The following NPHP3 variants were observed in gnomAD, a reference collection of about 807,000 sequenced individuals.
NPHP3 encodes the protein nephrocystin-3.
NPHP3 carries 123 observed loss-of-function variants against 171.9 expected under a neutral mutation model. That is an observed-to-expected ratio of 0.72 (90% CI 0.62 to 0.83). The LOEUF (loss-of-function observed/expected upper bound fraction) is 0.83. Among genes scored for constraint, NPHP3 ranks in the 40% least tolerant of loss-of-function variants. The pLI, the probability that NPHP3 is intolerant of heterozygous loss-of-function variation, is 0.00. For missense variants in NPHP3, 1,506 were observed against 1,591.9 expected, an observed-to-expected ratio of 0.95 and a Z score of 0.92; for synonymous variants, 558 against 579.2, an observed-to-expected ratio of 0.96 and a Z score of 0.52.
chr3:132,709,733 G>C (rs1416939083), intron 6 of NPHP3, among the ~76,000 whole-genome samples: 1 of 152,116 alleles, frequency 6.6e-6, no homozygotes, highest in African/African-American at 2.4e-5. Flanking sequence ...GTATGATTCA[G>C]AATCTGCAAA....
chr3:132,703,253 C>T (rs954578779), intron 9 of NPHP3, among the ~76,000 whole-genome samples: 4 of 152,116 alleles, frequency 2.6e-5, no homozygotes, highest in Non-Finnish European at 5.9e-5. Context: ...ATGATGGAAC[C>T]AGGACATTAA....
intron 9 of NPHP3, 78 bp from the exon 10 acceptor site, chr3:132,701,611 T>C (rs1939608085): frequency 3.2e-6 from 3 of 925,520 alleles, no homozygotes; most frequent in Admixed American, 1.9e-5. Flanking sequence ...CTGATTATTC[T>C]TTGAAAATAC....
chr3:132,710,417 A>G (rs1213884094), intron 6 of NPHP3, among the ~76,000 whole-genome samples: 2 of 151,610 alleles, frequency 1.3e-5, no homozygotes, highest in African/African-American at 2.4e-5. Flanking sequence ...CTGAATTACT[A>G]TTTAGGCACG....
chr3:132,684,623 A>G lies in NPHP3; in HGVS notation c.3501T>C (p.Arg1167=), dbSNP rs1423029063. Residue 1167 remains arginine (R), a synonymous_variant, in exon 24 of 27, where the codon CGT becomes CGC. Transcript: ENST00000337331. ...LYERALDIRR[R]ALAPDHPSLA... ...AAGAAGGGTGATCAGGAGCTAATGC[A>G]CGTCTCCGAATATCTAAAGCTCTTT... The G allele has an allele frequency of 6.2e-7, 1 of 1,614,038 alleles. No homozygotes were observed. The highest frequency in any genetic ancestry group is 1.1e-5 in the South Asian group (1 of 91,088).
chr3:132,684,435 T>C (rs763724691), intron 24 of NPHP3, 119 bp downstream of exon 24: 305 of 953,422 alleles, frequency 3.2e-4, no homozygotes, highest in Non-Finnish European at 4.5e-4. Flanking sequence ...AGTTAAATCA[T>C]GATTTTTAAA....
At chr3:132,712,752 C>G (rs1013461406) in intron 6 of NPHP3, among the ~76,000 whole-genome samples, 1 of 150,328 alleles carries the variant, frequency 6.7e-6, no homozygotes, top group Non-Finnish European at 1.5e-5. Context: ...GACGACAGAG[C>G]AAGACTCTGT....
At chr3:132,711,081 A>G (rs560239952) in intron 6 of NPHP3, among the ~76,000 whole-genome samples, 250 of 152,340 alleles carry the variant, frequency 1.6e-3, no homozygotes, top group Middle Eastern at 3.4e-3. Context: ...TATTGACAGG[A>G]AAGTGTTTCC....
intron 10 of NPHP3, among the ~76,000 whole-genome samples, 172 bp downstream of exon 10, chr3:132,701,258 T>C (rs976842034): frequency 9.8e-5 from 15 of 152,328 alleles, no homozygotes; most frequent in Middle Eastern, 6.8e-3. Flanking sequence ...GTGTCTTCTC[T>C]CTAACATCCA....
chr3:132,694,207 T>C (rs1238607452), intron 16 of NPHP3, among the ~76,000 whole-genome samples: 1 of 152,048 alleles, frequency 6.6e-6, no homozygotes, highest in African/African-American at 2.4e-5. Context: ...AGAAGAGATG[T>C]ATTATTTAGT....
Position 132,722,073 on chromosome 3 carries a change from T to A in NPHP3, c.283A>T (p.Arg95Trp). The A allele has an allele frequency of 6.2e-7, 1 of 1,612,128 alleles. No homozygotes were observed. Among genetic ancestry groups the A allele is most frequent in the Non-Finnish European group, 8.5e-7 (1 of 1,179,856 alleles). Residue 95 changes from arginine to tryptophan, a missense_variant, in exon 1 of 27, where the codon AGG (arginine) becomes TGG (tryptophan). Around this residue, in one of 3 missense-constraint regions of NPHP3, gnomAD observed 930 missense variants for 924.9 expected, o/e 1.01. Transcript: ENST00000337331. ...EYAAAEYERLRKEYEIFRVSK... is the reference protein window; with the variant it reads ...EYAAAEYERLWKEYEIFRVSK... ...ACGCGAAAGATCTCGTACTCCTTCC[T>A]GAGCCGCTCGTACTCGGCCGCCGCG...
intron 6 of NPHP3, among the ~76,000 whole-genome samples, chr3:132,709,834 C>G (rs995478483): frequency 6.6e-5 from 10 of 152,162 alleles, no homozygotes; most frequent in African/African-American, 2.4e-4. Flanking sequence ...CAGAAGTTTT[C>G]TATATTAAAA....
At chr3:132,692,417 T>A (rs908174172) in intron 17 of NPHP3, among the ~76,000 whole-genome samples, 2 of 152,270 alleles carry the variant, frequency 1.3e-5, no homozygotes, top group Non-Finnish European at 2.9e-5. Context: ...TGTGTCTGAC[T>A]TATTTTTTAA....
chr3:132,719,953 AT>A (rs1316892183), intron 1 of NPHP3, 123 bp from the exon 2 acceptor site: 2 of 399,634 alleles, frequency 5.0e-6, no homozygotes, highest in East Asian at 6.4e-5. Context: ...TCTACTTATT[AT>A]TTTACCAATT....
chr3:132,696,299 T>C (rs528097580), intron 15 of NPHP3, among the ~76,000 whole-genome samples: 2 of 136,378 alleles, frequency 1.5e-5, no homozygotes, highest in East Asian at 2.6e-4. Context: ...CTAATGGATA[T>C]CTAAAATAGA....
rs1939463263 is a variant in NPHP3 at position 132,696,745 on chromosome 3, G to C, written c.2157C>G (p.Gly719=). 1 of 1,614,036 alleles carries C rather than the reference G, an allele frequency of 6.2e-7. No homozygotes were observed. The highest frequency in any genetic ancestry group is 1.3e-5 in the African/African-American group (1 of 75,024). Reference sequence around the variant, plus strand: ...TCACCACTCACCGCGCGATCATTTTGCCGAAAAGGGTGACATAAAGGGCAT... The same window carrying C: ...TCACCACTCACCGCGCGATCATTTTCCCGAAAAGGGTGACATAAAGGGCAT... ...TCNALYVTLF[G]KMIARAGRAG... is the part of the protein sequence containing the mutation. The change falls in exon 15 of 27, where the codon GGC becomes GGG. Residue 719 remains glycine, a synonymous_variant. Coordinates refer to ENST00000337331, the MANE Select transcript of NPHP3 (RefSeq NM_153240.5).
At chr3:132,683,289 T>G in intron 25 of NPHP3, 110 bp downstream of exon 25, 1 of 1,006,790 alleles carries the variant, frequency 9.9e-7, no homozygotes, top group Non-Finnish European at 1.5e-6. Flanking sequence ...ATTAGAAATA[T>G]CCTTAAATTG....
At chr3:132,707,595 C>G (rs527653315) in intron 7 of NPHP3, among the ~76,000 whole-genome samples, 1 of 152,138 alleles carries the variant, frequency 6.6e-6, no homozygotes, top group Admixed American at 6.5e-5. Context: ...CCACACACTG[C>G]GATTTATTTC....
rs776333320 is a variant in NPHP3 at position 132,689,276 on chromosome 3, A to G, written c.2694-13T>C. 7 of 1,613,532 alleles carry G rather than the reference A, an allele frequency of 4.3e-6. No individual in the cohort carries two copies. The highest frequency in any genetic ancestry group is 5.9e-6 in the Non-Finnish European group (7 of 1,179,416). ...AGCAAAGTGTCCCCTGTTTCAACAA[A>G]TAACAGTACTTTAATGAAAAACACA... is the stretch of plus-strand genomic sequence containing the variant. On this transcript the variant is annotated splice_polypyrimidine_tract_variant and intron_variant, in intron 19 of 26. Coordinates refer to ENST00000337331, the MANE Select transcript of NPHP3 (RefSeq NM_153240.5).
In NPHP3 at chr3:132,692,906, T is replaced by C. The variant is rs975499058; in HGVS notation, c.2311-88A>G. On this transcript the variant is annotated intron_variant, in intron 16 of 26. Coordinates refer to ENST00000337331, the MANE Select transcript of NPHP3 (RefSeq NM_153240.5). ...AAAAGTTCCATAATTCTTTTAAGGC[T>C]ATTTCTTTTTACCAAAACTTATAAT... 6.7e-6 allele frequency: 7 copies of C among 1,050,534 alleles called. No homozygotes were observed. The East Asian group carries it at 1.8e-4, about 27-fold the overall frequency. The allele number at this position is 1,050,534 out of a possible 1,614,324, so 65.1% of individuals were successfully genotyped here. A position where few individuals can be genotyped will look rare whatever the true frequency, so the allele number is the denominator to read the frequency against.
Sources: allele counts gnomAD v4.1 joint callset (sites outside exome capture counted in the v4.1 genomes callset), GRCh38; gene constraint gnomAD v4.1.1; regional missense constraint gnomAD v4.1.1; transcripts MANE v1.5; gene names NCBI Gene and HGNC (gene_info 2026-07-23, HGNC 2026-07-21).